The following SBK1 variants were observed in gnomAD, a reference collection of about 807,000 sequenced individuals.
The protein encoded by SBK1 is serine/threonine-protein kinase SBK1.
A neutral mutation model predicts 24.4 loss-of-function variants in SBK1; 11 were observed. The observed-to-expected ratio is 0.45, with a 90% CI of 0.28 to 0.75. SBK1 has a LOEUF of 0.75. Ranked by LOEUF, SBK1 falls within the 30% of genes least tolerant of loss-of-function variation. The pLI is 0.12. For synonymous variants in SBK1, 308 were observed against 284.4 expected, an observed-to-expected ratio of 1.08 and a Z score of -0.83; for missense variants, 467 against 620.5, an observed-to-expected ratio of 0.75 and a Z score of 2.63.
chr16:28,265,702 G>T (rs1343259746), intron 1 of SBK1, among the ~76,000 whole-genome samples: 1 of 152,090 alleles, frequency 6.6e-6, no homozygotes, highest in East Asian at 1.9e-4. Flanking sequence ...AGCCTGGCAC[G>T]GTGGCTCACT....
At chr16:28,315,784 G>T (rs996771139) in intron 1 of SBK1, among the ~76,000 whole-genome samples, 14 of 150,394 alleles carry the variant, frequency 9.3e-5, no homozygotes, top group African/African-American at 1.5e-4. Flanking sequence ...TTTTTTTTTT[G>T]AGACGGAGTC....
At chr16:28,273,631 G>A (rs1160894901) in intron 1 of SBK1, among the ~76,000 whole-genome samples, 1 of 151,444 alleles carries the variant, frequency 6.6e-6, no homozygotes, top group Non-Finnish European at 1.5e-5. Flanking sequence ...ATGGGGTTAT[G>A]CCGTGTTACC....
intron 1 of SBK1, among the ~76,000 whole-genome samples, chr16:28,302,914 T>C (rs971989711): frequency 6.8e-6 from 1 of 146,036 alleles, no homozygotes; most frequent in African/African-American, 2.5e-5. Flanking sequence ...CATTATATAA[T>C]ACATGAGAAA....
At chr16:28,263,254 T>A (rs1441570442) in intron 1 of SBK1, among the ~76,000 whole-genome samples, 12 of 152,220 alleles carry the variant, frequency 7.9e-5, no homozygotes, top group Admixed American at 7.9e-4. Flanking sequence ...ATACCATCCC[T>A]GCTCTCATGG....
At position 28,261,477 on chromosome 16, in the gene SBK1, AC is replaced by A. The variant is rs571178521; in HGVS notation, c.257+1976del. On this transcript the variant is annotated intron_variant, in intron 1 of 3. Coordinates refer to the SBK1 transcript ENST00000671413. The stretch of plus-strand genomic sequence containing the variant: ...CACACACACACACACACACACACAC[AC>A]AATTAGCCAGGCATGGTGGCATGCA... Among the ~76,000 whole-genome samples, 108 of 141,660 alleles carry A rather than the reference AC, an allele frequency of 7.6e-4. 1 individual carries two copies. The South Asian group carries it at 0.021, about 28-fold the overall frequency. 92.9% of individuals were successfully genotyped at this position (141,660 alleles called of 152,430 possible). A position where few individuals can be genotyped will look rare whatever the true frequency, so the allele number is the denominator to read the frequency against.
chr16:28,281,756 G>A (rs1274874332), intron 1 of SBK1, among the ~76,000 whole-genome samples: 2 of 152,166 alleles, frequency 1.3e-5, no homozygotes, highest in African/African-American at 4.8e-5. Flanking sequence ...ACTCAGCCTG[G>A]CACAAATCTG....
At position 28,317,811 on chromosome 16, in the gene SBK1, G is replaced by A. The variant is rs1191753088; in HGVS notation, c.226+194G>A. On this transcript the variant is annotated intron_variant, in intron 2 of 3. Coordinates refer to ENST00000341901, the MANE Select transcript of SBK1 (RefSeq NM_001024401.3). The surrounding 1 kb of genome is among the most constrained non-coding windows in gnomAD (Gnocchi z 4.2). ...GGGGGAAAGAGACTGGGCAGATGGG[G>A]CAAGGGAGGAATCCGGGGCAGAGTG... Among the ~76,000 whole-genome samples, 1 of 152,126 alleles carries A rather than the reference G, an allele frequency of 6.6e-6. No individual in the cohort carries two copies. Among genetic ancestry groups the A allele is most frequent in the East Asian group, 1.9e-4 (1 of 5,178 alleles).
chr16:28,312,620 GGAATGAGC>G, intron 1 of SBK1, among the ~76,000 whole-genome samples: 1 of 152,334 alleles, frequency 6.6e-6, no homozygotes, highest in East Asian at 1.9e-4. Flanking sequence ...AGGGGACTGT[GGAATGAGC>G]GAGGCCAGGG....
At position 28,300,486 on chromosome 16, in the gene SBK1, AT is replaced by A. The variant is rs35329712; in HGVS notation, c.-8+7196del. Among the ~76,000 whole-genome samples the A allele has an allele frequency of 8.3e-4, 122 of 146,310 alleles. 1 individual carries two copies. In the South Asian group the frequency reaches 0.018, roughly 21 times the overall value. On this transcript the variant is annotated intron_variant, in intron 1 of 3. Transcript: ENST00000341901. ...AGGCGCATGCCACCATGCCTGGCTCATTTTTTTTTTAATGTTTTATAGAAAT... is the reference window on the plus strand; with the variant it reads ...AGGCGCATGCCACCATGCCTGGCTCATTTTTTTTTAATGTTTTATAGAAAT...
intron 1 of SBK1, among the ~76,000 whole-genome samples, chr16:28,267,699 A>G (rs2068371852): frequency 1.3e-5 from 2 of 152,222 alleles, no homozygotes; most frequent in African/African-American, 4.8e-5. Flanking sequence ...ACTTTAAGTG[A>G]ACCCTAAACT....
At chr16:28,308,739 G>GT (rs1338040286) in intron 1 of SBK1, among the ~76,000 whole-genome samples, 13 of 131,924 alleles carry the variant, frequency 9.9e-5, no homozygotes, top group Non-Finnish European at 1.9e-4. Flanking sequence ...GCGTTCTTTG[G>GT]GGTGTGTGTG....
At chr16:28,273,593 C>A (rs2044479991) in intron 1 of SBK1, among the ~76,000 whole-genome samples, 1 of 151,804 alleles carries the variant, frequency 6.6e-6, no homozygotes, top group Non-Finnish European at 1.5e-5. Flanking sequence ...GATGTAGTCC[C>A]ACTTGTCCAT....
chr16:28,277,514 CA>C (rs1166812913), intron 1 of SBK1, among the ~76,000 whole-genome samples: 3 of 152,000 alleles, frequency 2.0e-5, no homozygotes, highest in African/African-American at 7.3e-5. Context: ...CCCGTCTCCA[CA>C]AAAAATTAAA....
intron 1 of SBK1, among the ~76,000 whole-genome samples, chr16:28,264,008 A>G (rs2044412993): frequency 6.6e-6 from 1 of 152,122 alleles, no homozygotes; most frequent in Non-Finnish European, 1.5e-5. Flanking sequence ...GTGGGCCTGT[A>G]GTCCCAGCTA....
At chr16:28,310,119 GA>G (rs2141586316) in intron 1 of SBK1, among the ~76,000 whole-genome samples, 1 of 152,306 alleles carries the variant, frequency 6.6e-6, no homozygotes, top group South Asian at 2.1e-4. Context: ...AGTCGAGGGG[GA>G]CCCCCACCCA....
intron 1 of SBK1, among the ~76,000 whole-genome samples, chr16:28,301,728 C>G (rs1406669468): frequency 6.6e-6 from 1 of 152,208 alleles, no homozygotes; most frequent in Non-Finnish European, 1.5e-5. Flanking sequence ...CCTGCAGAGT[C>G]AACGACAGAT....
At position 28,320,992 on chromosome 16, in the gene SBK1, G is replaced by A; in HGVS notation, c.*71G>A. The stretch of plus-strand genomic sequence containing the variant: ...CGAGCCGGTGCCCGGTGCGGCGGTA[G>A]GGAATGGAGCCACCTCGCCGCGGGG... On this transcript the variant is annotated 3_prime_UTR_variant, in exon 4 of 4. Coordinates refer to ENST00000341901, the MANE Select transcript of SBK1 (RefSeq NM_001024401.3). The surrounding 1 kb of genome is among the most constrained non-coding windows in gnomAD (Gnocchi z 8.5). 7.8e-7 allele frequency: 1 copy of A among 1,281,858 alleles called. No individual in the cohort carries two copies. Among genetic ancestry groups the A allele is most frequent in the African/African-American group, 1.6e-5 (1 of 62,192 alleles). 79.4% of individuals were successfully genotyped at this position (1,281,858 alleles called of 1,614,324 possible). A position where few individuals can be genotyped will look rare whatever the true frequency, so the allele number is the denominator to read the frequency against.
Position 28,322,072 on chromosome 16 carries a change from TG to T in SBK1, c.*1156del. 1 of 152,788 alleles carries T rather than the reference TG, an allele frequency of 6.5e-6. No homozygotes were observed. The allele number at this position is 152,788 out of a possible 1,614,324, so 9.5% of individuals were successfully genotyped here. ...GGACCTGCATGTGTGGGTGTGAGAA[TG>T]GGGGCGGTGGACACCAGGGGGCGAG... On this transcript the variant is annotated 3_prime_UTR_variant, in exon 4 of 4. Coordinates refer to ENST00000341901, the MANE Select transcript of SBK1 (RefSeq NM_001024401.3).
At chr16:28,278,123 G>A (rs891778238) in intron 1 of SBK1, among the ~76,000 whole-genome samples, 15 of 152,264 alleles carry the variant, frequency 9.9e-5, no homozygotes, top group South Asian at 6.2e-4. Flanking sequence ...CGTCCAGTGG[G>A]GAACGAATGG....
Sources: gnomAD v4.1 joint callset for allele counts (sites outside exome capture counted in the v4.1 genomes callset) on GRCh38, gnomAD v4.1.1 for gene constraint, Gnocchi (gnomAD v3.1) non-coding constraint, MANE v1.5 for transcripts, NCBI Gene and HGNC (gene_info 2026-07-23, HGNC 2026-07-21) for gene names.